Variants in FHIT observed in about 807,000 individuals in gnomAD.
FHIT encodes fragile histidine triad diadenosine triphosphatase.
In FHIT, 19 loss-of-function variants were observed where a neutral mutation model predicts 17.9. That is an observed-to-expected ratio of 1.06 (90% CI 0.74 to 1.56). FHIT has a LOEUF of 1.56. FHIT is among the 40% of genes most tolerant of loss of function. The pLI is 0.00. For synonymous variants in FHIT, 81 were observed against 69.7 expected (o/e 1.16, Z -0.81); for missense variants, 248 against 189.2 (o/e 1.31, Z -1.82).
At chr3:60,920,634 G>A (rs890900775) in intron 3 of FHIT, among the ~76,000 whole-genome samples, 5 of 152,146 alleles carry the variant, frequency 3.3e-5, no homozygotes, top group Admixed American at 1.3e-4. Context: ...ACCTGGGGAA[G>A]AGGAAACCTC....
At chr3:59,972,612 A>G (rs1708236149) in intron 7 of FHIT, among the ~76,000 whole-genome samples, 1 of 152,016 alleles carries the variant, frequency 6.6e-6, no homozygotes, top group Admixed American at 6.6e-5. Flanking sequence ...TTCTGAACCA[A>G]TCAAACTCCC....
intron 5 of FHIT, among the ~76,000 whole-genome samples, chr3:60,470,050 CTCTT>C (rs1553780548): frequency 8.2e-6 from 1 of 122,214 alleles, no homozygotes; most frequent in South Asian, 2.3e-4. Flanking sequence ...CCTCTCCTCT[CTCTT>C]TCTTTCTCTC....
intron 5 of FHIT, among the ~76,000 whole-genome samples, chr3:60,253,275 T>C (rs79099323): frequency 0.01 from 1,563 of 152,306 alleles, 17 homozygotes; most frequent in African/African-American, 0.035. Flanking sequence ...AAGGAAGATC[T>C]GTCATGATAT....
At chr3:60,515,164 A>G (rs1015927743) in intron 5 of FHIT, among the ~76,000 whole-genome samples, 1 of 152,138 alleles carries the variant, frequency 6.6e-6, no homozygotes, top group South Asian at 2.1e-4. Context: ...ACAAGCCATT[A>G]TAAGAGGGTA....
chr3:59,894,773 CA>C (rs112571114), intron 8 of FHIT, among the ~76,000 whole-genome samples: 3 of 152,312 alleles, frequency 2.0e-5, no homozygotes, highest in African/African-American at 7.2e-5. Context: ...TGGACTTCTC[CA>C]AACTTCCCAG....
chr3:60,627,685 G>A (rs7610986), intron 4 of FHIT, among the ~76,000 whole-genome samples: 2 of 151,884 alleles, frequency 1.3e-5, no homozygotes, highest in African/African-American at 2.4e-5. Flanking sequence ...CACCACACCC[G>A]GCTAATTTTC....
At chr3:60,204,119 A>C (rs1703045203) in intron 5 of FHIT, among the ~76,000 whole-genome samples, 1 of 152,188 alleles carries the variant, frequency 6.6e-6, no homozygotes, top group Non-Finnish European at 1.5e-5. Flanking sequence ...ATGCTTAGGG[A>C]GATGGATACT....
At chr3:59,875,988 A>G (rs1703142034) in intron 8 of FHIT, among the ~76,000 whole-genome samples, 1 of 151,978 alleles carries the variant, frequency 6.6e-6, no homozygotes, top group Non-Finnish European at 1.5e-5. Context: ...CAAGAATTTT[A>G]TAGATTACAA....
At chr3:59,757,839 CTG>C (rs1258447528) in intron 8 of FHIT, among the ~76,000 whole-genome samples, 15 of 152,228 alleles carry the variant, frequency 9.9e-5, no homozygotes, top group East Asian at 5.8e-4. Context: ...AGGAAAATAA[CTG>C]TATTGTTTTT....
intron 5 of FHIT, among the ~76,000 whole-genome samples, chr3:60,503,360 A>C (rs2034598441): frequency 6.6e-6 from 1 of 152,172 alleles, no homozygotes; most frequent in South Asian, 2.1e-4. Flanking sequence ...CCACTCATTG[A>C]GATCTCAAAC....
chr3:60,118,235 T>C (rs1187603446), intron 5 of FHIT, among the ~76,000 whole-genome samples: 2 of 151,820 alleles, frequency 1.3e-5, no homozygotes, highest in African/African-American at 4.8e-5. Context: ...GCCTCCTGAG[T>C]AGCTAAGACC....
intron 5 of FHIT, among the ~76,000 whole-genome samples, chr3:60,267,986 G>C (rs369208610): frequency 1.3e-5 from 2 of 152,108 alleles, no homozygotes; most frequent in Admixed American, 6.5e-5. Flanking sequence ...AAATGACTTC[G>C]TGCAATCACT....
At chr3:59,958,356 C>T (rs1178042612) in intron 7 of FHIT, among the ~76,000 whole-genome samples, 1 of 151,972 alleles carries the variant, frequency 6.6e-6, no homozygotes, top group Non-Finnish European at 1.5e-5. Context: ...TATAAAAGGA[C>T]TGTATAAAAA....
intron 8 of FHIT, among the ~76,000 whole-genome samples, chr3:59,916,234 T>G (rs2107164867): frequency 6.6e-6 from 1 of 152,260 alleles, no homozygotes; most frequent in South Asian, 2.1e-4. Flanking sequence ...CTGTGCTGGA[T>G]TCTTCCTGCC....
At chr3:60,732,400 T>C (rs2042048432) in intron 4 of FHIT, 1 of 768,946 alleles carries the variant, frequency 1.3e-6, no homozygotes, top group Non-Finnish European at 2.4e-6. Flanking sequence ...AATTTCTACC[T>C]GTAGATGGAC....
chr3:59,890,019 C>T (rs1285139802), intron 8 of FHIT, among the ~76,000 whole-genome samples: 4 of 152,098 alleles, frequency 2.6e-5, no homozygotes, highest in African/African-American at 7.2e-5. Flanking sequence ...TCAATGAAGA[C>T]GTCATTAAAA....
intron 5 of FHIT, among the ~76,000 whole-genome samples, chr3:60,154,507 T>G (rs1298970145): frequency 6.6e-6 from 1 of 152,196 alleles, no homozygotes; most frequent in Non-Finnish European, 1.5e-5. Flanking sequence ...ATCATTTATC[T>G]AAGATGACAA....
intron 3 of FHIT, among the ~76,000 whole-genome samples, chr3:60,862,257 C>T (rs934993875): frequency 1.3e-5 from 2 of 152,070 alleles, no homozygotes; most frequent in Non-Finnish European, 2.9e-5. Flanking sequence ...TAGTTCACTG[C>T]AGCCTTGAAC....
intron 5 of FHIT, among the ~76,000 whole-genome samples, chr3:60,022,813 A>C (rs1002122011): frequency 6.6e-6 from 1 of 152,202 alleles, no homozygotes; most frequent in African/African-American, 2.4e-5. Context: ...TTAGACGGCA[A>C]TAAAAATGTT....
Sources: gnomAD v4.1 joint callset for allele counts (sites outside exome capture counted in the v4.1 genomes callset) on GRCh38, gnomAD v4.1.1 for gene constraint, MANE v1.5 for transcripts, NCBI Gene and HGNC (gene_info 2026-07-23, HGNC 2026-07-21) for gene names.